Variants in SKAP1 observed in about 807,000 individuals in gnomAD.
SKAP1 encodes the protein src kinase associated phosphoprotein 1, also known as src kinase-associated phosphoprotein 1.
Under a neutral mutation model 58.5 loss-of-function variants are expected in SKAP1, and 44 were observed. The ratio of observed to expected loss-of-function variants is 0.75; its 90% CI spans 0.59 to 0.97. The LOEUF (loss-of-function observed/expected upper bound fraction) is 0.97. Among genes scored for constraint, SKAP1 ranks in the 50% least tolerant of loss-of-function variants. The pLI, the probability that SKAP1 is intolerant of heterozygous loss-of-function variation, is 0.00. For synonymous variants in SKAP1, 127 were observed against 149.7 expected (o/e 0.85, Z 1.11); for missense variants, 390 against 435.2 (o/e 0.90, Z 0.92).
rs535602584 is a variant in SKAP1, at chr17:48,248,284, G to A, written c.281-58784C>T. On this transcript the variant is annotated intron_variant, in intron 4 of 12. Coordinates refer to ENST00000336915, the MANE Select transcript of SKAP1 (RefSeq NM_003726.4). ...GTACTGTATGAAAAACTATAGGGGA[G>A]GATGGGCACAGGTGGCTCATGCTTG... 5.3e-5 allele frequency among the ~76,000 whole-genome samples: 8 copies of A among 152,242 alleles called. No homozygotes were observed. The South Asian group carries it at 1.2e-3, about 24-fold the overall frequency.
chr17:48,310,769 T>G (rs1171431383), intron 4 of SKAP1, among the ~76,000 whole-genome samples: 3 of 147,344 alleles, frequency 2.0e-5, no homozygotes, highest in Admixed American at 1.3e-4. Context: ...GGGGAACAAT[T>G]AAAGATGCTT....
At chr17:48,174,988 G>A (rs2064270118) in intron 9 of SKAP1, among the ~76,000 whole-genome samples, 1 of 152,180 alleles carries the variant, frequency 6.6e-6, no homozygotes, top group Non-Finnish European at 1.5e-5. Context: ...GAACCATGGG[G>A]CATCACAAAT....
At chr17:48,269,425 A>G (rs1344313688) in intron 4 of SKAP1, among the ~76,000 whole-genome samples, 1 of 152,178 alleles carries the variant, frequency 6.6e-6, no homozygotes, top group Non-Finnish European at 1.5e-5. Flanking sequence ...CCAGGACTAG[A>G]GAATGTGGCA....
chr17:48,385,236 G>A (rs968781359), intron 2 of SKAP1, among the ~76,000 whole-genome samples: 1 of 151,936 alleles, frequency 6.6e-6, no homozygotes, highest in African/African-American at 2.4e-5. Flanking sequence ...AAAGGGGACT[G>A]AATAGTGACT....
At chr17:48,360,509 G>A (rs898997411) in intron 3 of SKAP1, among the ~76,000 whole-genome samples, 2 of 151,878 alleles carry the variant, frequency 1.3e-5, no homozygotes, top group African/African-American at 2.4e-5. Flanking sequence ...CAAAAACTCC[G>A]CTGGCTTTTC....
intron 10 of SKAP1, among the ~76,000 whole-genome samples, chr17:48,168,662 A>G (rs918996299): frequency 6.6e-6 from 1 of 151,752 alleles, no homozygotes; most frequent in Non-Finnish European, 1.5e-5. Context: ...ATCTCAAAAA[A>G]CAAACAAACA....
At chr17:48,168,914 G>A (rs1245001220) in intron 10 of SKAP1, among the ~76,000 whole-genome samples, 4 of 152,104 alleles carry the variant, frequency 2.6e-5, no homozygotes, top group African/African-American at 7.2e-5. Context: ...AAAATCAATC[G>A]ATAAATAAGT....
chr17:48,326,979 T>C (rs7211614), intron 4 of SKAP1, among the ~76,000 whole-genome samples: 77,073 of 150,458 alleles, frequency 0.51, 20,615 homozygotes, highest in African/African-American at 0.65. Flanking sequence ...GCAACCTCTG[T>C]CTCCCACTTC....
At chr17:48,278,677 ATACT>A (rs1026413034) in intron 4 of SKAP1, among the ~76,000 whole-genome samples, 1 of 152,242 alleles carries the variant, frequency 6.6e-6, no homozygotes, top group Admixed American at 6.5e-5. Context: ...TATCGGAGAA[ATACT>A]TACGATGAAG....
chr17:48,182,965 G>A (rs1424626194), intron 7 of SKAP1, among the ~76,000 whole-genome samples: 1 of 152,172 alleles, frequency 6.6e-6, no homozygotes, highest in Non-Finnish European at 1.5e-5. Context: ...TAGGTAGGCA[G>A]GCCTATGTGC....
intron 1 of SKAP1, among the ~76,000 whole-genome samples, chr17:48,426,172 G>C (rs994273212): frequency 6.6e-6 from 1 of 152,230 alleles, no homozygotes. Flanking sequence ...GACTAATACA[G>C]ATCTGGAGAA....
chr17:48,426,344 G>C (rs745851899), intron 1 of SKAP1, among the ~76,000 whole-genome samples: 6 of 152,210 alleles, frequency 3.9e-5, no homozygotes, highest in Non-Finnish European at 7.3e-5. Flanking sequence ...GCAGGATTTA[G>C]TACCATGTAG....
chr17:48,139,010 T>G (rs1317754705), intron 11 of SKAP1, among the ~76,000 whole-genome samples: 1 of 151,974 alleles, frequency 6.6e-6, no homozygotes, highest in Non-Finnish European at 1.5e-5. Context: ...TGCCTCAGCC[T>G]CCTGAGTAGC....
intron 4 of SKAP1, among the ~76,000 whole-genome samples, chr17:48,339,070 A>G (rs1335598009): frequency 6.6e-6 from 1 of 152,240 alleles, no homozygotes; most frequent in Non-Finnish European, 1.5e-5. Flanking sequence ...CACCAGGTTC[A>G]TGAAAGTGTG....
At chr17:48,400,075 A>C (rs995297914) in intron 1 of SKAP1, among the ~76,000 whole-genome samples, 1 of 151,712 alleles carries the variant, frequency 6.6e-6, no homozygotes, top group Non-Finnish European at 1.5e-5. Context: ...AATGTAAAAA[A>C]ATCAACTGTA....
chr17:48,345,822 C>T, intron 4 of SKAP1, 83 bp downstream of exon 4: 1 of 949,434 alleles, frequency 1.1e-6, no homozygotes, highest in Non-Finnish European at 1.7e-6. Context: ...CTGCTAGATA[C>T]AAAAATGACA....
At chr17:48,439,265 TTTTCAGAGCTCAA>T in the SKAP1 span, among the ~76,000 whole-genome samples, 9 of 152,250 alleles carry the variant, frequency 5.9e-5, no homozygotes, top group African/African-American at 2.2e-4. Context: ...AGAATTTCCT[TTTTCAGAGCTCAA>T]TATTCCAATC....
intron 2 of SKAP1, among the ~76,000 whole-genome samples, chr17:48,392,877 ATTT>A (rs67940436): frequency 3.9e-5 from 5 of 127,352 alleles, no homozygotes; most frequent in African/African-American, 1.4e-4. Flanking sequence ...ATATATATAT[ATTT>A]TTTTTTTCTT....
intron 1 of SKAP1, among the ~76,000 whole-genome samples, chr17:48,400,101 CTTTT>C (rs34859955): frequency 1.4e-5 from 2 of 138,146 alleles, no homozygotes; most frequent in Non-Finnish European, 1.6e-5. Flanking sequence ...TTTTTCTTTT[CTTTT>C]TTTTTTTTTT....
Sources: allele counts gnomAD v4.1 joint callset (sites outside exome capture counted in the v4.1 genomes callset), GRCh38; gene constraint gnomAD v4.1.1; transcripts MANE v1.5; gene names NCBI Gene and HGNC (gene_info 2026-07-23, HGNC 2026-07-21).